The following BANK1 variants were observed in gnomAD, a reference collection of about 807,000 sequenced individuals.
BANK1 encodes B cell scaffold protein with ankyrin repeats 1.
In BANK1, 95 loss-of-function variants were observed where a neutral mutation model predicts 94.5. That is an observed-to-expected ratio of 1.00 (90% CI 0.85 to 1.19). The LOEUF is 1.19. BANK1 is among the 50% of genes most tolerant of loss of function. The pLI, the probability that BANK1 is intolerant of heterozygous loss-of-function variation, is 0.00. For missense variants in BANK1, 987 were observed against 932.2 expected (o/e 1.06, Z -0.77); for synonymous variants, 334 against 308.4 (o/e 1.08, Z -0.87).
In BANK1 at chr4:101,855,126, A is replaced by C. The variant is rs1424790500; in HGVS notation, c.561A>C (p.Leu187=). Residue 187 remains leucine, a synonymous_variant, in exon 3 of 17, where the codon CTA becomes CTC. Coordinates refer to ENST00000322953, the MANE Select transcript of BANK1 (RefSeq NM_017935.5). Reference sequence around the variant, plus strand: ...GTGAGAGAAAGGAAATTGAAGAACTATCAGAAGCTTCAAGAAACACCATAC... The same window carrying C: ...GTGAGAGAAAGGAAATTGAAGAACTCTCAGAAGCTTCAAGAAACACCATAC... ...EISERKEIEE[L]SEASRNTIPL... 1.2e-6 allele frequency: 2 copies of C among 1,613,666 alleles called. No homozygotes were observed. Among genetic ancestry groups the C allele is most frequent in the Non-Finnish European group, 1.7e-6 (2 of 1,179,566 alleles).
chr4:101,939,408 T>C (rs958855106), intron 7 of BANK1, among the ~76,000 whole-genome samples: 5 of 151,748 alleles, frequency 3.3e-5, no homozygotes, highest in Non-Finnish European at 7.4e-5. Flanking sequence ...ATGTAATATA[T>C]ATTACATGTT....
intron 6 of BANK1, among the ~76,000 whole-genome samples, chr4:101,911,193 C>CGGG (rs1722651709): frequency 6.6e-6 from 1 of 152,150 alleles, no homozygotes; most frequent in Non-Finnish European, 1.5e-5. Context: ...TGCTAGTCCC[C>CGGG]AGACGACTGT....
intron 3 of BANK1, among the ~76,000 whole-genome samples, chr4:101,858,447 C>A (rs1476524381): frequency 6.6e-6 from 1 of 152,126 alleles, no homozygotes; most frequent in Non-Finnish European, 1.5e-5. Context: ...GTAGCTCCAT[C>A]CTATAGAACA....
intron 7 of BANK1, among the ~76,000 whole-genome samples, chr4:101,985,880 A>G (rs1725468180): frequency 6.6e-6 from 1 of 152,126 alleles, no homozygotes; most frequent in African/African-American, 2.4e-5. Flanking sequence ...GAAGATTTAT[A>G]TTTTGTCAGA....
intron 1 of BANK1, 98 bp downstream of exon 1, chr4:101,791,048 T>G (rs1724965472): frequency 1.0e-6 from 1 of 997,070 alleles, no homozygotes; most frequent in African/African-American, 1.7e-5. Flanking sequence ...ACTCGGGCAC[T>G]GAGGCCAGGG....
intron 7 of BANK1, among the ~76,000 whole-genome samples, chr4:101,921,225 C>T (rs538765392): frequency 6.6e-6 from 1 of 151,802 alleles, no homozygotes; most frequent in Admixed American, 6.6e-5. Flanking sequence ...TTTCAAATAT[C>T]TACTCATTTT....
chr4:102,065,031 G>A (rs907934657), intron 13 of BANK1, among the ~76,000 whole-genome samples: 1 of 152,164 alleles, frequency 6.6e-6, no homozygotes, highest in African/African-American at 2.4e-5. Flanking sequence ...AAGCAAAACA[G>A]TCAAAGCATG....
chr4:101,884,811 C>T (rs1050054900), intron 5 of BANK1, among the ~76,000 whole-genome samples: 36 of 152,202 alleles, frequency 2.4e-4, no homozygotes, highest in African/African-American at 8.4e-4. Flanking sequence ...GCCTAAACTA[C>T]TATAATAGTC....
chr4:101,862,666 T>G lies in BANK1; in HGVS notation c.763+2T>G, dbSNP rs1263491042. 2 of 1,592,374 alleles carry G rather than the reference T, an allele frequency of 1.3e-6. No homozygotes were observed. The highest frequency in any genetic ancestry group is 1.4e-5 in the African/African-American group (1 of 73,666). ...AAGTCTGGTGCATGAAAGCTTTAGGTAAGAATGTTTATGATTTAATAAGCA... is the reference window on the plus strand; with the variant it reads ...AAGTCTGGTGCATGAAAGCTTTAGGGAAGAATGTTTATGATTTAATAAGCA... On this transcript the variant is annotated splice_donor_variant, in intron 4 of 16. Transcript: ENST00000322953. LOFTEE classifies it high-confidence loss of function.
intron 15 of BANK1, 93 bp from the exon 16 acceptor site, chr4:102,073,590 GA>G: frequency 8.9e-7 from 1 of 1,129,938 alleles, no homozygotes; most frequent in Non-Finnish European, 1.3e-6. Context: ...CCATGGCTGT[GA>G]AAGGCAACTA....
At chr4:101,968,721 T>C (rs1254464108) in intron 7 of BANK1, among the ~76,000 whole-genome samples, 1 of 152,044 alleles carries the variant, frequency 6.6e-6, no homozygotes, top group Admixed American at 6.6e-5. Context: ...GAGAAAAAGA[T>C]AAAAATTAGC....
At chr4:101,912,775 T>A (rs896291494) in intron 6 of BANK1, among the ~76,000 whole-genome samples, 1 of 151,874 alleles carries the variant, frequency 6.6e-6, no homozygotes, top group Non-Finnish European at 1.5e-5. Flanking sequence ...TCCAAAGGCG[T>A]CTTAAGTTCT....
chr4:102,046,430 C>T (rs558512947), intron 11 of BANK1, among the ~76,000 whole-genome samples: 12 of 151,898 alleles, frequency 7.9e-5, no homozygotes, highest in Non-Finnish European at 1.3e-4. Flanking sequence ...ATAGTGTTGT[C>T]GATGTTATCA....
chr4:101,957,449 A>G (rs778129127), intron 7 of BANK1, among the ~76,000 whole-genome samples: 23 of 152,152 alleles, frequency 1.5e-4, no homozygotes, highest in Non-Finnish European at 2.5e-4. Context: ...AGAAGCCACT[A>G]TTTGGGTAAC....
At chr4:101,912,501 G>C (rs573448956) in intron 6 of BANK1, among the ~76,000 whole-genome samples, 283 of 151,316 alleles carry the variant, frequency 1.9e-3, no homozygotes, top group Non-Finnish European at 3.6e-3. Flanking sequence ...GTGTATATGT[G>C]TGTTGAAAGA....
At chr4:102,012,085 G>T (rs1043099814) in intron 7 of BANK1, among the ~76,000 whole-genome samples, 1 of 152,134 alleles carries the variant, frequency 6.6e-6, no homozygotes, top group Non-Finnish European at 1.5e-5. Context: ...TCTGCTTAAT[G>T]ATACATGCAT....
chr4:102,053,891 A>AGAT (rs1452796470), intron 11 of BANK1, among the ~76,000 whole-genome samples: 2 of 152,000 alleles, frequency 1.3e-5, no homozygotes, highest in African/African-American at 4.8e-5. Context: ...TAATAAAAAA[A>AGAT]GATAAAAAAT....
At chr4:101,991,687 G>T (rs1392313425) in intron 7 of BANK1, among the ~76,000 whole-genome samples, 1 of 152,122 alleles carries the variant, frequency 6.6e-6, no homozygotes, top group South Asian at 2.1e-4. Context: ...CATTCCACAT[G>T]TGCATTACAC....
intron 7 of BANK1, among the ~76,000 whole-genome samples, chr4:101,984,199 A>G (rs1464475252): frequency 6.6e-6 from 1 of 152,074 alleles, no homozygotes; most frequent in Non-Finnish European, 1.5e-5. Context: ...AAGACCTAAG[A>G]AAGCTCGAAA....
Sources: gnomAD v4.1 joint callset for allele counts (sites outside exome capture counted in the v4.1 genomes callset) on GRCh38, gnomAD v4.1.1 for gene constraint, MANE v1.5 for transcripts, NCBI Gene and HGNC (gene_info 2026-07-23, HGNC 2026-07-21) for gene names.